The following DRC1 variants were observed in gnomAD, a reference collection of about 807,000 sequenced individuals.
The protein encoded by DRC1 is dynein regulatory complex protein 1.
A neutral mutation model predicts 98.7 loss-of-function variants in DRC1; 74 were observed. The observed-to-expected ratio is 0.75, with a 90% CI of 0.62 to 0.91. DRC1 has a LOEUF of 0.91. DRC1 is among the 40% of genes least tolerant of loss of function. The pLI is 0.00. For missense variants in DRC1, 875 were observed against 886.0 expected, an observed-to-expected ratio of 0.99 and a Z score of 0.16; for synonymous variants, 336 against 334.1, an observed-to-expected ratio of 1.01 and a Z score of -0.06.
intron 10 of DRC1, chr2:26,448,376 C>G (rs922199150): frequency 7.3e-6 from 4 of 549,862 alleles, no homozygotes; most frequent in Admixed American, 2.2e-5. Flanking sequence ...CTCACACTCT[C>G]CCTCCCACTT....
intron 7 of DRC1, among the ~76,000 whole-genome samples, chr2:26,439,219 G>T (rs1161617748): frequency 6.6e-6 from 1 of 151,982 alleles, no homozygotes; most frequent in East Asian, 1.9e-4. Context: ...TCTCCCTTCA[G>T]GTGGCACCTG....
chr2:26,429,506 C>T (rs1663376538), intron 4 of DRC1, 122 bp from the exon 5 acceptor site: 30 of 1,340,388 alleles, frequency 2.2e-5, no homozygotes, highest in Non-Finnish European at 3.0e-5. Flanking sequence ...GTGCGCAGCC[C>T]TCTTTGTACA....
chr2:26,449,946 C>A, intron 11 of DRC1, 50 bp from the exon 12 acceptor site: 1 of 1,560,024 alleles, frequency 6.4e-7, no homozygotes, highest in East Asian at 2.3e-5. Flanking sequence ...CCCTGGGACT[C>A]GCTCCTGAAA....
At chr2:26,416,284 C>G (rs192228383) in intron 2 of DRC1, among the ~76,000 whole-genome samples, 1 of 152,006 alleles carries the variant, frequency 6.6e-6, no homozygotes, top group Admixed American at 6.6e-5. Flanking sequence ...GAGTCTTGCT[C>G]TGTCACCAGG....
In DRC1 at chr2:26,414,325, C is replaced by G. The variant is rs762297368; in HGVS notation, c.156-19C>G. 1.2e-6 allele frequency: 2 copies of G among 1,611,906 alleles called. No homozygotes were observed. The highest frequency in any genetic ancestry group is 1.1e-5 in the South Asian group (1 of 90,838). On this transcript the variant is annotated intron_variant, in intron 1 of 16. Transcript: ENST00000288710. ...CGTATTAGAAATAACTTCATTTTCTCTGCTTTTTTCCATCACAGGGAAGCA... is the reference window on the plus strand; with the variant it reads ...CGTATTAGAAATAACTTCATTTTCTGTGCTTTTTTCCATCACAGGGAAGCA...
chr2:26,454,358 G>T lies in DRC1; in HGVS notation c.1920-289G>T, dbSNP rs769613829. ...CAAGTGCTGTTTTGGATGTGTTGGTGCAAGAGATGGGCACAGTGATGAGCT... is the reference window on the plus strand; with the variant it reads ...CAAGTGCTGTTTTGGATGTGTTGGTTCAAGAGATGGGCACAGTGATGAGCT... On this transcript the variant is annotated intron_variant, in intron 14 of 16. Coordinates refer to ENST00000288710, the MANE Select transcript of DRC1 (RefSeq NM_145038.5). This position sits in a 1 kb window ranked among gnomAD's most constrained non-coding sequence, Gnocchi z 5.2. Among the ~76,000 whole-genome samples the T allele has an allele frequency of 2.0e-5, 3 of 152,204 alleles. No individual in the cohort carries two copies. In the South Asian group the frequency reaches 6.2e-4, roughly 32 times the overall value.
intron 8 of DRC1, among the ~76,000 whole-genome samples, chr2:26,441,937 T>G (rs965613365): frequency 1.3e-5 from 2 of 152,320 alleles, no homozygotes; most frequent in South Asian, 4.1e-4. Flanking sequence ...CATTTCACAA[T>G]TTGACATATC....
Position 26,421,368 on chromosome 2 carries a change from G to A in DRC1, c.324G>A (p.Arg108=). 1 of 1,613,464 alleles carries A rather than the reference G, an allele frequency of 6.2e-7. No individual in the cohort carries two copies. The highest frequency in any genetic ancestry group is 8.5e-7 in the Non-Finnish European group (1 of 1,179,638). Residue 108 remains arginine, a synonymous_variant, in exon 3 of 17, where the codon AGG becomes AGA. Coordinates refer to ENST00000288710, the MANE Select transcript of DRC1 (RefSeq NM_145038.5). ...CTATAGATATCAGAGAGATTCACAG[G>A]AGAGTCGAAGAAGAGGAGATAAAGC... The part of the protein sequence containing the change: ...QVAIDIREIH[R]RVEEEEIKRQ...
intron 6 of DRC1, 106 bp from the exon 7 acceptor site, chr2:26,431,778 T>A: frequency 6.6e-7 from 1 of 1,525,650 alleles, no homozygotes. Flanking sequence ...TGTGGAGCCA[T>A]GAAACTTCCA....
chr2:26,452,485 C>CAAATGAT (rs1290060839), intron 13 of DRC1, among the ~76,000 whole-genome samples: 1 of 152,180 alleles, frequency 6.6e-6, no homozygotes, highest in Non-Finnish European at 1.5e-5. Flanking sequence ...CTCTCGAACT[C>CAAATGAT]CTGACCTCAA....
intron 1 of DRC1, among the ~76,000 whole-genome samples, chr2:26,403,527 G>T (rs1678320181): frequency 6.6e-6 from 1 of 152,124 alleles, no homozygotes; most frequent in Non-Finnish European, 1.5e-5. Context: ...AAAAATCGTA[G>T]CTCATGCCTG....
intron 1 of DRC1, among the ~76,000 whole-genome samples, chr2:26,410,900 T>TAA (rs1332631671): frequency 2.0e-5 from 3 of 152,188 alleles, no homozygotes; most frequent in African/African-American, 7.2e-5. Flanking sequence ...AAGAAAGGCA[T>TAA]AAAGACAGAA....
rs778755812 is a variant in DRC1 at position 26,450,090 on chromosome 2, G to A, written c.1599+5G>A. 1 of 1,611,118 alleles carries A rather than the reference G, an allele frequency of 6.2e-7. No homozygotes were observed. Among genetic ancestry groups the A allele is most frequent in the Non-Finnish European group, 8.5e-7 (1 of 1,178,888 alleles). The stretch of plus-strand genomic sequence containing the variant: ...AGGCTGGATGCCATCTTCTCCGTGA[G>A]TCCAACGGGGCTGGGAGGACACGGG... On this transcript the variant is annotated splice_donor_5th_base_variant and intron_variant, in intron 12 of 16. Coordinates refer to ENST00000288710, the MANE Select transcript of DRC1 (RefSeq NM_145038.5).
At position 26,424,399 on chromosome 2, in the gene DRC1, T is replaced by C. The variant is rs1307375937; in HGVS notation, c.485T>C (p.Leu162Pro). 6.2e-7 allele frequency: 1 copy of C among 1,613,828 alleles called. No individual in the cohort carries two copies. The highest frequency in any genetic ancestry group is 8.5e-7 in the Non-Finnish European group (1 of 1,180,016). The change falls in exon 4 of 17, where the codon CTG becomes CCG. Residue 162 changes from leucine to proline, a missense_variant. By Grantham distance (98) the Leu-to-Pro change is moderately conservative. Coordinates refer to ENST00000288710, the MANE Select transcript of DRC1 (RefSeq NM_145038.5). ...ELWEMLNTQQ[L>P]HCAGLLEDKN... Reference sequence around the variant, plus strand: ...TGGGAAATGCTCAATACCCAACAGCTGCACTGTGCTGGACTCTTAGAAGAT... The same window carrying C: ...TGGGAAATGCTCAATACCCAACAGCCGCACTGTGCTGGACTCTTAGAAGAT...
At chr2:26,452,717 C>G (rs959566035) in intron 13 of DRC1, among the ~76,000 whole-genome samples, 1 of 152,192 alleles carries the variant, frequency 6.6e-6, no homozygotes, top group South Asian at 2.1e-4. Flanking sequence ...TGGGAAAAAA[C>G]CAAAGTTCTT....
chr2:26,430,424 C>T, intron 5 of DRC1: 1 of 445,936 alleles, frequency 2.2e-6, no homozygotes, highest in South Asian at 1.7e-5. Context: ...CATGGGATCC[C>T]CAACCATGGC....
chr2:26,402,039 A>C lies in DRC1; in HGVS notation c.50A>C (p.His17Pro). 6.2e-7 allele frequency: 1 copy of C among 1,613,148 alleles called. No homozygotes were observed. ...LEALDPNVDE[H>P]LSTQILAPSV... ...GCCCTGGACCCGAACGTGGACGAGC[A>C]CTTGTCCACCCAGATTCTCGCGCCC... Residue 17 changes from histidine (H) to proline (P), a missense_variant, in exon 1 of 17, where the codon CAC becomes CCC. Transcript: ENST00000288710.
intron 10 of DRC1, among the ~76,000 whole-genome samples, chr2:26,447,932 A>G (rs1663899698): frequency 6.6e-6 from 1 of 151,188 alleles, no homozygotes. Flanking sequence ...CTTGCTGTTA[A>G]TATTTCTCTG....
At chr2:26,430,441 C>A (rs117141173) in intron 5 of DRC1, 1 of 464,820 alleles carries the variant, frequency 2.2e-6, no homozygotes, top group Non-Finnish European at 4.4e-6. Flanking sequence ...TGGCAACGAA[C>A]GCATCAGTGG....
Sources: gnomAD v4.1 joint callset for allele counts (sites outside exome capture counted in the v4.1 genomes callset) on GRCh38, gnomAD v4.1.1 for gene constraint, Gnocchi (gnomAD v3.1) non-coding constraint, MANE v1.5 for transcripts, NCBI Gene and HGNC (gene_info 2026-07-23, HGNC 2026-07-21) for gene names.